The following GARRE1 variants were observed in gnomAD, a reference collection of about 807,000 sequenced individuals.
GARRE1 encodes granule associated Rac and RHOG effector protein 1.
Under a neutral mutation model 103.2 loss-of-function variants are expected in GARRE1, and 49 were observed. The observed-to-expected ratio is 0.47, with a 90% CI of 0.38 to 0.60. The LOEUF is 0.60. GARRE1 is among the 20% of genes least tolerant of loss of function. The pLI is 0.00. For synonymous variants in GARRE1, 505 were observed against 532.8 expected, an observed-to-expected ratio of 0.95 and a Z score of 0.72; for missense variants, 1,199 against 1,370.5, an observed-to-expected ratio of 0.87 and a Z score of 1.98.
chr19:34,292,436 T>C (rs1458365686), intron 1 of GARRE1, among the ~76,000 whole-genome samples: 3 of 152,210 alleles, frequency 2.0e-5, no homozygotes, highest in Non-Finnish European at 4.4e-5. Context: ...CTATGAACAT[T>C]TGTGTGCAGG....
At chr19:34,264,398 CTT>C (rs924213933) in intron 1 of GARRE1, among the ~76,000 whole-genome samples, 1 of 146,446 alleles carries the variant, frequency 6.8e-6, no homozygotes. Context: ...GATGACATGT[CTT>C]TTTTTTTTTG....
chr19:34,279,984 C>CA lies in GARRE1; in HGVS notation c.-795-19672dup, dbSNP rs34044474. ...TGGGCGACAGAGCGAGACTCCGTCT[C>CA]AAAAAAAAAAAAAAAAAAAAAAAGT... On this transcript the variant is annotated intron_variant, in intron 1 of 13. Transcript: ENST00000299505. 8.5e-3 allele frequency among the ~76,000 whole-genome samples: 572 copies of CA among 67,532 alleles called. 3 individuals are homozygous for CA. Among genetic ancestry groups the CA allele is most frequent in the African/African-American group, 0.015 (292 of 19,680 alleles). 44.3% of individuals were successfully genotyped at this position (67,532 alleles called of 152,430 possible). A position where few individuals can be genotyped will look rare whatever the true frequency, so the allele number is the denominator to read the frequency against.
chr19:34,300,697 A>G lies in GARRE1; in HGVS notation c.224A>G (p.Asp75Gly). 6.2e-7 allele frequency: 1 copy of G among 1,614,118 alleles called. No homozygotes were observed. The highest frequency in any genetic ancestry group is 1.3e-5 in the African/African-American group (1 of 75,062). ...ATGCCCCACACTACTCCTATCGCCG[A>G]CATCCAGCAGGGCATCTCCAAGTAT... is the stretch of plus-strand genomic sequence containing the variant. ...HAMPHTTPIA[D>G]IQQGISKYLD... Residue 75 changes from aspartate (D) to glycine (G), a missense_variant, in exon 2 of 14, where the codon GAC becomes GGC. Asp to Gly is a moderately conservative substitution (Grantham distance 94). Coordinates refer to ENST00000299505, the MANE Select transcript of GARRE1 (RefSeq NM_014686.5).
chr19:34,283,830 C>CTTTTTTTTTTTT (rs11335136), intron 1 of GARRE1, among the ~76,000 whole-genome samples: 11 of 117,254 alleles, frequency 9.4e-5, no homozygotes, highest in East Asian at 2.3e-4. Context: ...TTCTTTCTTT[C>CTTTTTTTTTTTT]TTTTTTTTTT....
At chr19:34,296,551 TG>T (rs1425322159) in intron 1 of GARRE1, 2 of 1,594,796 alleles carry the variant, frequency 1.3e-6, no homozygotes, top group African/African-American at 2.7e-5. Flanking sequence ...CGTGCACTCA[TG>T]GCCTTGGCAT....
chr19:34,286,332 G>A (rs895150170), intron 1 of GARRE1, among the ~76,000 whole-genome samples: 1 of 151,616 alleles, frequency 6.6e-6, no homozygotes, highest in Non-Finnish European at 1.5e-5. Flanking sequence ...CCATTCTCCT[G>A]CCTCAGTCTC....
chr19:34,258,177 C>T (rs936938227), intron 1 of GARRE1, among the ~76,000 whole-genome samples: 5 of 152,100 alleles, frequency 3.3e-5, no homozygotes, highest in Non-Finnish European at 5.9e-5. Context: ...GATTGGCCTT[C>T]TTGACTTGGA....
At chr19:34,293,530 G>A (rs1357417374) in intron 1 of GARRE1, among the ~76,000 whole-genome samples, 2 of 151,236 alleles carry the variant, frequency 1.3e-5, no homozygotes, top group African/African-American at 2.4e-5. Context: ...CGAGTAGCTG[G>A]GACCACAGGT....
Position 34,300,861 on chromosome 19 carries a change from C to A in GARRE1, c.388C>A (p.Arg130=), listed in dbSNP as rs369099995. The A allele has an allele frequency of 6.2e-7, 1 of 1,613,530 alleles. No homozygotes were observed. Among genetic ancestry groups the A allele is most frequent in the Non-Finnish European group, 8.5e-7 (1 of 1,180,040 alleles). Residue 130 remains arginine (R), a synonymous_variant, in exon 2 of 14, where the codon CGG becomes AGG. Transcript: ENST00000299505. ...GGAGCATGTCATGGAAGCAGCCAGT[C>A]GGCTGACCTCGGCCATAAAGCCTGA... The part of the protein sequence containing the change: ...VQEHVMEAAS[R]LTSAIKPEIA...
At chr19:34,344,787 C>T (rs1412501500) in intron 10 of GARRE1, among the ~76,000 whole-genome samples, 2 of 151,878 alleles carry the variant, frequency 1.3e-5, no homozygotes, top group Non-Finnish European at 1.5e-5. Context: ...GATTCTCCTG[C>T]CTCAGCTTCC....
At chr19:34,282,082 G>A (rs1045966930) in intron 1 of GARRE1, among the ~76,000 whole-genome samples, 1 of 151,858 alleles carries the variant, frequency 6.6e-6, no homozygotes, top group Non-Finnish European at 1.5e-5. Context: ...TTTTATCTTG[G>A]CAATCATATT....
chr19:34,280,508 A>T (rs925030483), intron 1 of GARRE1, among the ~76,000 whole-genome samples: 2 of 151,990 alleles, frequency 1.3e-5, no homozygotes, highest in African/African-American at 4.8e-5. Flanking sequence ...TCATCTATGG[A>T]TTGCTTTTTG....
intron 2 of GARRE1, among the ~76,000 whole-genome samples, chr19:34,309,338 G>A (rs1273324753): frequency 2.0e-5 from 3 of 152,162 alleles, no homozygotes; most frequent in African/African-American, 7.2e-5. Context: ...CCTTTTTGGG[G>A]TTGAGGTTCA....
chr19:34,302,631 G>C (rs947627695), intron 2 of GARRE1, among the ~76,000 whole-genome samples: 1 of 151,440 alleles, frequency 6.6e-6, no homozygotes, highest in Non-Finnish European at 1.5e-5. Context: ...GGTTTTTAGA[G>C]AGTCCCACAC....
At chr19:34,341,302 C>A in intron 9 of GARRE1, 120 bp from the exon 10 acceptor site, 1 of 789,572 alleles carries the variant, frequency 1.3e-6, no homozygotes, top group South Asian at 1.8e-5. Flanking sequence ...AATAAGTGAA[C>A]CCGATACCAA....
At chr19:34,295,521 T>TGTTTC (rs1395803121) in intron 1 of GARRE1, among the ~76,000 whole-genome samples, 2 of 151,086 alleles carry the variant, frequency 1.3e-5, no homozygotes, top group Admixed American at 1.3e-4. Context: ...CTTGGTGTTT[T>TGTTTC]GTTTTGTTTT....
chr19:34,341,321 G>A (rs945380272), intron 9 of GARRE1, 101 bp from the exon 10 acceptor site: 2 of 989,100 alleles, frequency 2.0e-6, no homozygotes, highest in Admixed American at 2.6e-5. Flanking sequence ...AACCTGAGAG[G>A]TTTTTCTTGC....
At chr19:34,287,375 T>C (rs1462966259) in intron 1 of GARRE1, among the ~76,000 whole-genome samples, 1 of 152,164 alleles carries the variant, frequency 6.6e-6, no homozygotes, top group Non-Finnish European at 1.5e-5. Flanking sequence ...CAGACTGGAC[T>C]CGAAGTCCTG....
intron 1 of GARRE1, among the ~76,000 whole-genome samples, chr19:34,298,134 T>A (rs902116671): frequency 6.6e-6 from 1 of 152,180 alleles, no homozygotes. Context: ...CAGTTGAATA[T>A]GTGGTCAAGC....
Sources: gnomAD v4.1 joint callset for allele counts (sites outside exome capture counted in the v4.1 genomes callset) on GRCh38, gnomAD v4.1.1 for gene constraint, MANE v1.5 for transcripts, NCBI Gene and HGNC (gene_info 2026-07-23, HGNC 2026-07-21) for gene names.